Variants in ASIC2 observed in about 807,000 individuals in gnomAD.
ASIC2 encodes the protein acid-sensing ion channel 2.
Under a neutral mutation model 57.3 loss-of-function variants are expected in ASIC2, and 25 were observed. That is an observed-to-expected ratio of 0.44 (90% CI 0.32 to 0.61). The LOEUF (loss-of-function observed/expected upper bound fraction) is 0.61, where lower values mean the gene tolerates loss of function less well. Among genes scored for constraint, ASIC2 ranks in the 20% least tolerant of loss-of-function variants. The pLI, the probability that ASIC2 is intolerant of heterozygous loss-of-function variation, is 0.06. For synonymous variants in ASIC2, 319 were observed against 307.5 expected (o/e 1.04, Z -0.39); for missense variants, 641 against 738.1 (o/e 0.87, Z 1.52).
chr17:33,692,301 T>G (rs977269254), intron 1 of ASIC2: 2 of 152,178 alleles, frequency 1.3e-5, no homozygotes, highest in African/African-American at 4.8e-5. Context: ...TATCTTGCAC[T>G]GATTACAAGT....
chr17:33,508,774 C>T (rs9910596), intron 1 of ASIC2, among the ~76,000 whole-genome samples: 32,523 of 152,114 alleles, frequency 0.21, 3,749 homozygotes, highest in African/African-American at 0.3. Flanking sequence ...CTGGCACTGT[C>T]TCCCATGCAA....
intron 1 of ASIC2, among the ~76,000 whole-genome samples, chr17:33,576,764 G>A (rs996128979): frequency 1.7e-5 from 2 of 115,126 alleles, no homozygotes; most frequent in African/African-American, 8.9e-5. Flanking sequence ...CCTGGAGTAT[G>A]GTGAGAAAGC....
At chr17:33,968,951 G>T (rs751334717) in intron 1 of ASIC2, among the ~76,000 whole-genome samples, 20 of 152,228 alleles carry the variant, frequency 1.3e-4, no homozygotes, top group Non-Finnish European at 2.8e-4. Context: ...CCCAGTTACA[G>T]AAGAGCCTCC....
At chr17:33,395,214 G>A (rs955718865) in intron 1 of ASIC2, among the ~76,000 whole-genome samples, 4 of 136,780 alleles carry the variant, frequency 2.9e-5, no homozygotes, top group Admixed American at 7.3e-5. Context: ...CCATCCATCC[G>A]TCCATCCATC....
chr17:33,636,049 G>A (rs1906352346), intron 1 of ASIC2, among the ~76,000 whole-genome samples: 1 of 152,192 alleles, frequency 6.6e-6, no homozygotes, highest in Admixed American at 6.5e-5. Context: ...ATGTTGTTTA[G>A]AGAAGCAAGC....
At chr17:33,681,322 T>G (rs1382508634) in intron 1 of ASIC2, among the ~76,000 whole-genome samples, 1 of 152,210 alleles carries the variant, frequency 6.6e-6, no homozygotes, top group East Asian at 1.9e-4. Flanking sequence ...GGCTGTTCTG[T>G]GTATTATAGA....
At chr17:33,448,621 C>T (rs1912128414) in intron 1 of ASIC2, among the ~76,000 whole-genome samples, 1 of 152,194 alleles carries the variant, frequency 6.6e-6, no homozygotes, top group African/African-American at 2.4e-5. Context: ...ATGTATTTTT[C>T]CCTATAGCCC....
chr17:33,273,392 T>C lies in ASIC2; in HGVS notation c.708+18016A>G, dbSNP rs1027162807. On this transcript the variant is annotated intron_variant, in intron 1 of 9. Transcript: ENST00000225823. ...CTCAAGATAGTAAGCAATCCCCTGA[T>C]ATAGGGTTGTTACTCTCTGCCCAGG... 3.3e-5 allele frequency among the ~76,000 whole-genome samples: 5 copies of C among 152,172 alleles called. No homozygotes were observed. In the East Asian group the frequency reaches 5.8e-4, roughly 18 times the overall value.
At chr17:33,315,497 A>G (rs1432017186) in intron 1 of ASIC2, among the ~76,000 whole-genome samples, 1 of 152,234 alleles carries the variant, frequency 6.6e-6, no homozygotes, top group Admixed American at 6.5e-5. Flanking sequence ...GGAAGCTCAA[A>G]GATGGGAAAG....
chr17:33,680,871 A>G (rs555227564), intron 1 of ASIC2: 1 of 152,234 alleles, frequency 6.6e-6, no homozygotes, highest in Non-Finnish European at 1.5e-5. Context: ...CTAAATATAC[A>G]GTAGTTTTTG....
intron 1 of ASIC2, among the ~76,000 whole-genome samples, chr17:33,414,275 C>T (rs191074484): frequency 2.8e-4 from 43 of 152,030 alleles, no homozygotes; most frequent in African/African-American, 1.0e-3. Flanking sequence ...GCAGGGATGG[C>T]GAGGAGGCTG....
Position 33,249,053 on chromosome 17 carries a change from G to A in ASIC2, c.708+42355C>T, listed in dbSNP as rs773616284. ...GTTTAGATGGGATGGGAACAGTGCAGGCTGTGAGACATGGCTGGTTTCTCA... is the reference window on the plus strand; with the variant it reads ...GTTTAGATGGGATGGGAACAGTGCAAGCTGTGAGACATGGCTGGTTTCTCA... On this transcript the variant is annotated intron_variant, in intron 1 of 9. Transcript: ENST00000225823. 9.8e-5 allele frequency among the ~76,000 whole-genome samples: 15 copies of A among 152,290 alleles called. No individual in the cohort carries two copies. In the South Asian group the frequency reaches 1.2e-3, roughly 13 times the overall value.
chr17:33,341,524 T>A lies in ASIC2; in HGVS notation c.556-229457A>T, dbSNP rs189904648. Among the ~76,000 whole-genome samples, 56 of 152,334 alleles carry A rather than the reference T, an allele frequency of 3.7e-4. No homozygotes were observed. In the Middle Eastern group the frequency reaches 0.01, roughly 28 times the overall value. On this transcript the variant is annotated intron_variant, in intron 1 of 9. Transcript: ENST00000359872. ...TTTAAACTACAATGCTAGAGTTGAG[T>A]GGTTGCAACAGAGACCCCATGACTT...
chr17:33,105,658 C>A (rs756295369), intron 2 of ASIC2, among the ~76,000 whole-genome samples: 1 of 152,176 alleles, frequency 6.6e-6, no homozygotes, highest in East Asian at 1.9e-4. Flanking sequence ...AAGTATGGAA[C>A]TTTCTAGAGA....
At chr17:33,371,973 T>A (rs1343112184) in intron 1 of ASIC2, among the ~76,000 whole-genome samples, 1 of 151,810 alleles carries the variant, frequency 6.6e-6, no homozygotes, top group Non-Finnish European at 1.5e-5. Flanking sequence ...CAGGTGGAGG[T>A]GAGCTGGGGA....
rs146906732 is a variant in ASIC2, at chr17:34,051,115, C to G, written c.555+104863G>C. On this transcript the variant is annotated intron_variant, in intron 1 of 9. Coordinates refer to the ASIC2 transcript ENST00000359872. ...TGTAGGTTGGTTTGTCCAGAAATGC[C>G]AAATTCCAGAGAACAGCAGAGAAAA... Among the ~76,000 whole-genome samples, 28 of 152,240 alleles carry G rather than the reference C, an allele frequency of 1.8e-4. No homozygotes were observed. The East Asian group carries it at 3.7e-3, about 20-fold the overall frequency.
chr17:33,157,608 T>C (rs1372650875), intron 1 of ASIC2, among the ~76,000 whole-genome samples: 2 of 152,164 alleles, frequency 1.3e-5, no homozygotes, highest in Admixed American at 6.5e-5. Context: ...ATCTAACCCA[T>C]TGGGAAATCC....
In ASIC2 at chr17:34,034,251, A is replaced by C. The variant is rs1411400444; in HGVS notation, c.555+121727T>G. On this transcript the variant is annotated intron_variant, in intron 1 of 9. Transcript: ENST00000359872. ...TAATCCAGCATATAAACAGAACCAA[A>C]GACAAAAACCACATGATTATCTCAA... 4.6e-5 allele frequency among the ~76,000 whole-genome samples: 7 copies of C among 152,326 alleles called. No homozygotes were observed. In the East Asian group the frequency reaches 1.3e-3, roughly 29 times the overall value.
intron 1 of ASIC2, among the ~76,000 whole-genome samples, chr17:33,134,452 C>T (rs559111739): frequency 1.3e-5 from 2 of 152,354 alleles, no homozygotes; most frequent in African/African-American, 4.8e-5. Flanking sequence ...GAGGCAAAAC[C>T]TGACACTGTC....
Sources: allele counts gnomAD v4.1 joint callset (sites outside exome capture counted in the v4.1 genomes callset), GRCh38; gene constraint gnomAD v4.1.1; transcripts MANE v1.5; gene names NCBI Gene and HGNC (gene_info 2026-07-23, HGNC 2026-07-21).